The following DHX8 variants were observed in gnomAD, a reference collection of about 807,000 sequenced individuals.
DHX8 encodes the protein ATP-dependent RNA helicase DHX8.
DHX8 carries 67 observed loss-of-function variants against 140.7 expected under a neutral mutation model. That is an observed-to-expected ratio of 0.48 (90% CI 0.39 to 0.58). DHX8 has a LOEUF of 0.58. Ranked by LOEUF, DHX8 falls within the 20% of genes least tolerant of loss-of-function variation. DHX8 has a pLI of 0.00. For missense variants in DHX8, 887 were observed against 1,550.7 expected (o/e 0.57, Z 7.19); for synonymous variants, 533 against 553.2 (o/e 0.96, Z 0.51).
intron 17 of DHX8, among the ~76,000 whole-genome samples, chr17:43,514,084 G>A (rs1012379536): frequency 3.3e-5 from 5 of 151,288 alleles, no homozygotes; most frequent in Non-Finnish European, 7.4e-5. Flanking sequence ...GCTCACACCT[G>A]TAATCCCAGC....
chr17:43,503,483 GC>G (rs1211904581), intron 11 of DHX8, among the ~76,000 whole-genome samples: 1 of 150,732 alleles, frequency 6.6e-6, no homozygotes, highest in Non-Finnish European at 1.5e-5. Flanking sequence ...GACAACAATT[GC>G]GAAACTCCAT....
intron 1 of DHX8, 61 bp from the exon 2 acceptor site, chr17:43,489,388 T>TA: frequency 8.6e-7 from 1 of 1,166,400 alleles, no homozygotes; most frequent in Non-Finnish European, 1.3e-6. Flanking sequence ...GTTTTCACCA[T>TA]ACTTGAAACT....
At chr17:43,505,206 G>A (rs1457414808) in intron 12 of DHX8, among the ~76,000 whole-genome samples, 1 of 152,028 alleles carries the variant, frequency 6.6e-6, no homozygotes, top group Non-Finnish European at 1.5e-5. Context: ...TCAGGAGTTC[G>A]AGACCATCCT....
intron 3 of DHX8, among the ~76,000 whole-genome samples, chr17:43,540,314 A>G (rs991835343): frequency 6.6e-6 from 1 of 152,138 alleles, no homozygotes; most frequent in African/African-American, 2.4e-5. Flanking sequence ...TTAGCCAGGC[A>G]TGGTGGTTCT....
downstream of DHX8, chr17:43,544,793 A>G (rs2154587326): frequency 1.7e-6 from 1 of 595,002 alleles, no homozygotes; most frequent in East Asian, 2.8e-5. Flanking sequence ...ATATCAATAT[A>G]AGTGTCCACG....
At chr17:43,533,622 G>A (rs1394174691) in intron 2 of DHX8, among the ~76,000 whole-genome samples, 3 of 152,006 alleles carry the variant, frequency 2.0e-5, no homozygotes, top group Non-Finnish European at 4.4e-5. Context: ...TGGGACAGTG[G>A]GCCTCTTGGT....
Position 43,524,893 on chromosome 17 carries a change from T to G in DHX8, c.*1046T>G, listed in dbSNP as rs1425954068. The G allele has an allele frequency of 1.7e-5, 17 of 985,258 alleles. No individual in the cohort carries two copies. Among genetic ancestry groups the G allele is most frequent in the Non-Finnish European group, 1.8e-5 (15 of 829,950 alleles). The allele number at this position is 985,258 out of a possible 1,614,324, so 61.0% of individuals were successfully genotyped here. A position where few individuals can be genotyped will look rare whatever the true frequency, so the allele number is the denominator to read the frequency against. On this transcript the variant is annotated 3_prime_UTR_variant, in exon 23 of 23. Transcript: ENST00000262415. Reference sequence around the variant, plus strand: ...CTGCAGGGCTTGTTCTTAGTGGTTTTTTCCTAGCACTTGCTTGGAGAATAG... The same window carrying G: ...CTGCAGGGCTTGTTCTTAGTGGTTTGTTCCTAGCACTTGCTTGGAGAATAG...
At chr17:43,534,883 G>A (rs910443171) in intron 2 of DHX8, among the ~76,000 whole-genome samples, 11 of 152,038 alleles carry the variant, frequency 7.2e-5, no homozygotes, top group Non-Finnish European at 1.5e-4. Context: ...AGCGGTTGCA[G>A]TGAGCCGAGA....
chr17:43,508,522 T>A lies in DHX8; in HGVS notation c.2502+2T>A. The A allele has an allele frequency of 6.2e-7, 1 of 1,605,838 alleles. No homozygotes were observed. Among genetic ancestry groups the A allele is most frequent in the Non-Finnish European group, 8.5e-7 (1 of 1,175,572 alleles). On this transcript the variant is annotated splice_donor_variant, in intron 16 of 22. Transcript: ENST00000262415. LOFTEE classifies it high-confidence loss of function. ...CCAGCTCCACCAGGCAGCAGAAAGG[T>A]AACATGGGCAAAAATGAAGCTTCCA... is the stretch of plus-strand genomic sequence containing the variant.
intron 11 of DHX8, 145 bp from the exon 12 acceptor site, chr17:43,504,499 T>C: frequency 1.3e-6 from 1 of 750,916 alleles, no homozygotes. Flanking sequence ...TTTCTTCACA[T>C]TAATTTGTTT....
At position 43,491,373 on chromosome 17, in the gene DHX8, GTGTT is replaced by G. The variant is rs1359172339; in HGVS notation, c.393+126_393+129del. 259 of 485,704 alleles carry G rather than the reference GTGTT, an allele frequency of 5.3e-4. 2 individuals are homozygous for G. In the East Asian group the frequency reaches 8.9e-3, roughly 17 times the overall value. The allele number at this position is 485,704 out of a possible 1,614,324, so 30.1% of individuals were successfully genotyped here. On this transcript the variant is annotated intron_variant, in intron 4 of 22. Transcript: ENST00000262415. ...TTGTAACTTATTTTTAAGAATGAAA[GTGTT>G]TGATCACTCCCTGAGCATGTACTAT...
chr17:43,491,140 C>G lies in DHX8; in HGVS notation c.308-25C>G, dbSNP rs777917980. On this transcript the variant is annotated intron_variant, in intron 3 of 22. Transcript: ENST00000262415. ...TAAATATATATCTCTTTTTTTAACC[C>G]CTTCATGCTCTTTAATGAAACAAGA... 2.5e-6 allele frequency: 3 copies of G among 1,205,828 alleles called. No homozygotes were observed. In the South Asian group the frequency reaches 5.0e-5, roughly 20 times the overall value. The allele number at this position is 1,205,828 out of a possible 1,614,324, so 74.7% of individuals were successfully genotyped here. A position where few individuals can be genotyped will look rare whatever the true frequency, so the allele number is the denominator to read the frequency against.
downstream of DHX8, chr17:43,530,546 C>T (rs1162843096): frequency 1.3e-6 from 1 of 755,386 alleles, no homozygotes; most frequent in African/African-American, 1.8e-5. Context: ...ACGCCTAAGA[C>T]TCCCTCAGAA....
At chr17:43,490,607 T>A in intron 3 of DHX8, 144 bp downstream of exon 3, 1 of 678,756 alleles carries the variant, frequency 1.5e-6, no homozygotes. Flanking sequence ...GCCTAGCGGC[T>A]CACTGCTGGA....
chr17:43,520,640 T>A (rs1970328960), intron 19 of DHX8, 111 bp from the exon 20 acceptor site: 1 of 1,310,260 alleles, frequency 7.6e-7, no homozygotes, highest in African/African-American at 1.5e-5. Context: ...AAGGCATCAT[T>A]ATGCTTTGGG....
chr17:43,493,185 G>C, intron 6 of DHX8, 145 bp downstream of exon 6: 1 of 1,235,262 alleles, frequency 8.1e-7, no homozygotes, highest in Non-Finnish European at 1.1e-6. Context: ...TGACTCTTTT[G>C]AAATGTTACA....
Position 43,524,909 on chromosome 17 carries a change from T to G in DHX8, c.*1062T>G, listed in dbSNP as rs1157832643. On this transcript the variant is annotated 3_prime_UTR_variant, in exon 23 of 23. Transcript: ENST00000262415. ...TAGTGGTTTTTTCCTAGCACTTGCT[T>G]GGAGAATAGCCACCTCCTTGTGCCC... 2.0e-6 allele frequency: 2 copies of G among 985,094 alleles called. No homozygotes were observed. The highest frequency in any genetic ancestry group is 1.1e-4 in the East Asian group (1 of 8,810). The allele number at this position is 985,094 out of a possible 1,614,324, so 61.0% of individuals were successfully genotyped here. A position where few individuals can be genotyped will look rare whatever the true frequency, so the allele number is the denominator to read the frequency against.
chr17:43,538,874 T>C (rs1420409039), intron 3 of DHX8, among the ~76,000 whole-genome samples: 2 of 152,050 alleles, frequency 1.3e-5, no homozygotes, highest in African/African-American at 4.8e-5. Flanking sequence ...GGGAAACTGA[T>C]AAAATGCCCA....
At chr17:43,517,386 A>T in intron 18 of DHX8, 64 bp downstream of exon 18, 2 of 1,535,152 alleles carry the variant, frequency 1.3e-6, no homozygotes, top group Non-Finnish European at 1.8e-6. Context: ...TTCATAAATG[A>T]ATTTCAGTTT....
Sources: gnomAD v4.1 joint callset for allele counts (sites outside exome capture counted in the v4.1 genomes callset) on GRCh38, gnomAD v4.1.1 for gene constraint, MANE v1.5 for transcripts, NCBI Gene and HGNC (gene_info 2026-07-23, HGNC 2026-07-21) for gene names.